Variants in AGBL1 observed in about 807,000 individuals in gnomAD.
AGBL1 encodes cytosolic carboxypeptidase 4.
A neutral mutation model predicts 118.9 loss-of-function variants in AGBL1; 130 were observed. The observed-to-expected ratio is 1.09, with a 90% CI of 0.95 to 1.26. The LOEUF (loss-of-function observed/expected upper bound fraction) is 1.26. AGBL1 is among the 50% of genes most tolerant of loss of function. The pLI, the probability that AGBL1 is intolerant of heterozygous loss-of-function variation, is 0.00. For synonymous variants in AGBL1, 555 were observed against 478.9 expected (o/e 1.16, Z -2.08); for missense variants, 1,584 against 1,298.1 (o/e 1.22, Z -3.38).
At chr15:86,322,730 CAGATGA>C (rs1400207227) in intron 17 of AGBL1, among the ~76,000 whole-genome samples, 1 of 152,112 alleles carries the variant, frequency 6.6e-6, no homozygotes, top group Non-Finnish European at 1.5e-5. Flanking sequence ...AACACAAGTC[CAGATGA>C]AGTTAAATTA....
chr15:86,706,884 C>T (rs928205269), intron 22 of AGBL1, among the ~76,000 whole-genome samples: 1 of 152,098 alleles, frequency 6.6e-6, no homozygotes, highest in African/African-American at 2.4e-5. Context: ...TCAGTTTTCT[C>T]TACCAGTTAC....
intron 18 of AGBL1, among the ~76,000 whole-genome samples, chr15:86,461,569 G>A (rs1023661953): frequency 5.3e-5 from 8 of 151,978 alleles, no homozygotes; most frequent in Admixed American, 3.3e-4. Flanking sequence ...GAGTATCACG[G>A]CAATATATAA....
At chr15:87,004,665 A>G (rs761755735) in intron 24 of AGBL1, among the ~76,000 whole-genome samples, 47 of 152,270 alleles carry the variant, frequency 3.1e-4, no homozygotes, top group Non-Finnish European at 3.4e-4. Flanking sequence ...GTGTCTTTCA[A>G]TTGGAGCATT....
chr15:86,331,880 C>G (rs959102211), intron 17 of AGBL1, among the ~76,000 whole-genome samples: 6 of 152,146 alleles, frequency 3.9e-5, no homozygotes, highest in African/African-American at 1.4e-4. Flanking sequence ...ATAAAGCAAT[C>G]ACACAGTAGA....
chr15:86,122,178 C>G (rs942906533), intron 1 of AGBL1, among the ~76,000 whole-genome samples: 1 of 152,188 alleles, frequency 6.6e-6, no homozygotes, highest in South Asian at 2.1e-4. Context: ...AGGATATTGT[C>G]CATTTCCCGA....
At chr15:86,588,332 C>T (rs561196301) in intron 21 of AGBL1, among the ~76,000 whole-genome samples, 2 of 152,144 alleles carry the variant, frequency 1.3e-5, no homozygotes, top group African/African-American at 4.8e-5. Flanking sequence ...AGTTGATCTC[C>T]TCCAGTTATC....
intron 22 of AGBL1, among the ~76,000 whole-genome samples, chr15:86,751,635 G>C (rs2077853708): frequency 6.6e-6 from 1 of 152,128 alleles, no homozygotes; most frequent in South Asian, 2.1e-4. Context: ...ACATTGATCA[G>C]TGTAGGAGTA....
intron 6 of AGBL1, among the ~76,000 whole-genome samples, chr15:86,238,587 G>A (rs1873464175): frequency 6.6e-6 from 1 of 152,150 alleles, no homozygotes; most frequent in Non-Finnish European, 1.5e-5. Context: ...CAACTGTGAG[G>A]TGTATGCCAT....
At chr15:86,107,235 C>G (rs1024053664) in intron 1 of AGBL1, among the ~76,000 whole-genome samples, 1 of 152,164 alleles carries the variant, frequency 6.6e-6, no homozygotes, top group Non-Finnish European at 1.5e-5. Context: ...CTGTGATCCT[C>G]CATGGTTTCT....
At chr15:86,086,711 G>A (rs75489631) in intron 1 of AGBL1, among the ~76,000 whole-genome samples, 9 of 152,032 alleles carry the variant, frequency 5.9e-5, no homozygotes, top group South Asian at 2.1e-4. Flanking sequence ...TGGAGGAATC[G>A]CACAAAGTTA....
At chr15:86,564,209 C>T (rs1021415936) in intron 21 of AGBL1, among the ~76,000 whole-genome samples, 2 of 152,194 alleles carry the variant, frequency 1.3e-5, no homozygotes, top group East Asian at 3.8e-4. Flanking sequence ...TTAGATGATG[C>T]AGTTTCTTCC....
intron 5 of AGBL1, among the ~76,000 whole-genome samples, chr15:86,169,347 G>A (rs777422807): frequency 6.6e-6 from 1 of 152,166 alleles, no homozygotes; most frequent in African/African-American, 2.4e-5. Flanking sequence ...GGAAATGGAG[G>A]GAACAATATC....
At chr15:86,790,225 G>T (rs1259640972) in intron 22 of AGBL1, among the ~76,000 whole-genome samples, 2 of 152,028 alleles carry the variant, frequency 1.3e-5, no homozygotes, top group East Asian at 3.9e-4. Context: ...AGACATTCTA[G>T]ATGTTATTTC....
chr15:86,674,043 A>G (rs2085792500), intron 21 of AGBL1, among the ~76,000 whole-genome samples: 1 of 151,898 alleles, frequency 6.6e-6, no homozygotes. Flanking sequence ...CCAGCTCATT[A>G]TTGTCATGGG....
At chr15:86,864,997 C>A (rs973668475) in intron 22 of AGBL1, among the ~76,000 whole-genome samples, 1 of 152,164 alleles carries the variant, frequency 6.6e-6, no homozygotes, top group African/African-American at 2.4e-5. Context: ...TTTCCCTTTA[C>A]CATCCTGATG....
chr15:86,928,599 C>T (rs369989642), intron 23 of AGBL1, among the ~76,000 whole-genome samples: 203 of 152,244 alleles, frequency 1.3e-3, no homozygotes, highest in African/African-American at 4.5e-3. Context: ...TTAACAACAA[C>T]GATGCTCTAT....
chr15:86,270,989 C>G (rs1239004665), intron 14 of AGBL1, among the ~76,000 whole-genome samples: 1 of 151,062 alleles, frequency 6.6e-6, no homozygotes, highest in Non-Finnish European at 1.5e-5. Context: ...TTCTTGCATC[C>G]TCAAAGCTAG....
chr15:86,936,837 AAAAG>A (rs1190435561), intron 23 of AGBL1, among the ~76,000 whole-genome samples: 8 of 152,240 alleles, frequency 5.3e-5, no homozygotes, highest in Admixed American at 2.6e-4. Flanking sequence ...TCTGCACAGA[AAAAG>A]AAAGTATTAA....
chr15:86,762,912 T>C (rs1469398208), intron 22 of AGBL1, among the ~76,000 whole-genome samples: 2 of 151,904 alleles, frequency 1.3e-5, no homozygotes, highest in Non-Finnish European at 2.9e-5. Flanking sequence ...AGAGAAAATA[T>C]TGCTTTGCCT....
Sources: allele counts gnomAD v4.1 joint callset (sites outside exome capture counted in the v4.1 genomes callset), GRCh38; gene constraint gnomAD v4.1.1; transcripts MANE v1.5; gene names NCBI Gene and HGNC (gene_info 2026-07-23, HGNC 2026-07-21).